Variants in C3orf33 observed in about 807,000 individuals in gnomAD.
C3orf33 encodes AP-1 activity suppressor.
A neutral mutation model predicts 28.7 loss-of-function variants in C3orf33; 23 were observed. The ratio of observed to expected loss-of-function variants is 0.80; its 90% confidence interval spans 0.58 to 1.13. C3orf33 has a LOEUF of 1.13. Among genes scored for constraint, C3orf33 ranks in the 50% most tolerant of loss-of-function variants. The pLI is 0.00. For synonymous variants in C3orf33, 119 were observed against 120.5 expected, an observed-to-expected ratio of 0.99 and a Z score of 0.08; for missense variants, 327 against 353.4, an observed-to-expected ratio of 0.93 and a Z score of 0.60.
intron 2 of C3orf33, among the ~76,000 whole-genome samples, chr3:155,794,772 T>G (rs532805786): frequency 6.6e-6 from 1 of 152,068 alleles, no homozygotes; most frequent in Non-Finnish European, 1.5e-5. Context: ...GATTTTAAGA[T>G]AAAATAGATT....
chr3:155,773,953 G>T (rs760828036), intron 3 of C3orf33, among the ~76,000 whole-genome samples: 4 of 152,162 alleles, frequency 2.6e-5, no homozygotes, highest in South Asian at 2.1e-4. Flanking sequence ...TTTATTAAAA[G>T]AATTAATGGT....
intron 2 of C3orf33, among the ~76,000 whole-genome samples, chr3:155,794,194 T>C (rs1409588952): frequency 2.0e-5 from 3 of 152,108 alleles, no homozygotes; most frequent in Non-Finnish European, 2.9e-5. Context: ...TTGGCCAGGC[T>C]GGTCTCAAAC....
Position 155,762,869 on chromosome 3 carries a change from CA to C in C3orf33, c.*647del, listed in dbSNP as rs1204744480. 5.9e-5 allele frequency: 9 copies of C among 151,302 alleles called. No homozygotes were observed. The highest frequency in any genetic ancestry group is 2.2e-4 in the African/African-American group (9 of 41,146). The allele number at this position is 151,302 out of a possible 1,614,324, so 9.4% of individuals were successfully genotyped here. A position where few individuals can be genotyped will look rare whatever the true frequency, so the allele number is the denominator to read the frequency against. On this transcript the variant is annotated 3_prime_UTR_variant, in exon 5 of 5. Transcript: ENST00000340171. ...GGGTGACAAGAGCGAAACTCCATGTCAAAACAAAAAAAGCCGGGCTTGGTAG... is the reference window on the plus strand; with the variant it reads ...GGGTGACAAGAGCGAAACTCCATGTCAAACAAAAAAAGCCGGGCTTGGTAG...
rs1334458234 is a variant in C3orf33, at chr3:155,767,566, C to A, written c.426G>T (p.Trp142Cys). 13 of 1,596,298 alleles carry A rather than the reference C, an allele frequency of 8.1e-6. No individual in the cohort carries two copies. Among genetic ancestry groups the A allele is most frequent in the Non-Finnish European group, 1.0e-5 (12 of 1,169,046 alleles). ...QKELKPSQLL[W>C]FQLLGKENSA... ...AATTCTCCTTTCCAAGAAGTTGGAA[C>A]CATAGTAATTGGGAAGGTTTTAGCT... The change falls in exon 4 of 5, where the codon TGG becomes TGT. Residue 142 changes from tryptophan (W) to cysteine (C), a missense_variant. Transcript: ENST00000340171.
At chr3:155,784,633 C>T (rs1257610866) in intron 2 of C3orf33, among the ~76,000 whole-genome samples, 2 of 151,510 alleles carry the variant, frequency 1.3e-5, no homozygotes, top group African/African-American at 4.9e-5. Flanking sequence ...CCAGGTACTT[C>T]GGAGGCTGAG....
chr3:155,800,956 T>C (rs574245513), intron 2 of C3orf33, among the ~76,000 whole-genome samples: 24 of 152,224 alleles, frequency 1.6e-4, no homozygotes, highest in Admixed American at 5.2e-4. Context: ...GTGCTGAAAT[T>C]GAAACTCTTG....
In C3orf33 at chr3:155,776,709, T is replaced by G. The variant is rs138725911; in HGVS notation, c.175-861A>C. Among the ~76,000 whole-genome samples, 657 of 131,686 alleles carry G rather than the reference T, an allele frequency of 5.0e-3. 10 individuals are homozygous for G. The highest frequency in any genetic ancestry group is 0.018 in the African/African-American group (612 of 34,312). The allele number at this position is 131,686 out of a possible 152,430, so 86.4% of individuals were successfully genotyped here. On this transcript the variant is annotated intron_variant, in intron 2 of 4. Transcript: ENST00000340171. ...AGTTTAAGGTTACAGTGAGCCATAA[T>G]AGCACCACTACACTCCAGCCTGGGT...
chr3:155,770,924 T>G (rs953854017), intron 3 of C3orf33, among the ~76,000 whole-genome samples: 1 of 151,182 alleles, frequency 6.6e-6, no homozygotes, highest in Non-Finnish European at 1.5e-5. Flanking sequence ...TCTGCCCACC[T>G]CGGTCTCCCA....
intron 3 of C3orf33, among the ~76,000 whole-genome samples, chr3:155,774,116 A>C (rs1208014761): frequency 6.6e-6 from 1 of 152,228 alleles, no homozygotes; most frequent in African/African-American, 2.4e-5. Context: ...AATAGAATTA[A>C]ATTAATTCAT....
At chr3:155,788,290 T>C (rs140073360) in intron 2 of C3orf33, among the ~76,000 whole-genome samples, 83 of 151,876 alleles carry the variant, frequency 5.5e-4, no homozygotes, top group East Asian at 1.2e-3. Flanking sequence ...TCAACTGATA[T>C]AGAAAAAAAC....
At chr3:155,796,479 T>C (rs554903369) in intron 2 of C3orf33, among the ~76,000 whole-genome samples, 1 of 152,004 alleles carries the variant, frequency 6.6e-6, no homozygotes, top group Non-Finnish European at 1.5e-5. Flanking sequence ...GATCAACAAG[T>C]AATGAAAACA....
At chr3:155,777,459 T>C (rs1029309633) in intron 2 of C3orf33, among the ~76,000 whole-genome samples, 6 of 152,068 alleles carry the variant, frequency 3.9e-5, no homozygotes, top group Non-Finnish European at 8.8e-5. Context: ...TTTTTTTTTT[T>C]AGACAGGGTC....
chr3:155,799,733 A>T (rs756258390), intron 2 of C3orf33, among the ~76,000 whole-genome samples: 7 of 152,184 alleles, frequency 4.6e-5, no homozygotes, highest in Non-Finnish European at 1.0e-4. Flanking sequence ...GTAGAATACT[A>T]TTCATCCTTA....
chr3:155,763,549 T>C lies in C3orf33; in HGVS notation c.853A>G (p.Ile285Val), dbSNP rs773907718. 3.3e-5 allele frequency: 50 copies of C among 1,536,550 alleles called. No individual in the cohort carries two copies. The highest frequency in any genetic ancestry group is 1.2e-4 in the Admixed American group (5 of 41,184). ...TTTCTACGAAAGTTTATGCGACTTA[T>C]AAGTTCTCTGAACTTCAGTATTAAG... ...CSLILKFREL[I>V]SRINFRRKG Residue 285 changes from isoleucine (I) to valine (V), a missense_variant, in exon 5 of 5, where the codon ATA (isoleucine) becomes GTA (valine). Coordinates refer to ENST00000340171, the MANE Select transcript of C3orf33 (RefSeq NM_001308229.2).
In C3orf33 at chr3:155,767,603, C is replaced by G. The variant is rs766217252; in HGVS notation, c.389G>C (p.Trp130Ser). 1.9e-6 allele frequency: 3 copies of G among 1,592,096 alleles called. No individual in the cohort carries two copies. Among genetic ancestry groups the G allele is most frequent in the Non-Finnish European group, 2.6e-6 (3 of 1,166,730 alleles). ...GVELAETGKA[W>S]LQKELKPSQL... ...GGAAGGTTTTAGCTCTTTTTGTAACCATGCCTTCCCAGTTTCAGCGAGTTC... is the reference window on the plus strand; with the variant it reads ...GGAAGGTTTTAGCTCTTTTTGTAACGATGCCTTCCCAGTTTCAGCGAGTTC... The change falls in exon 4 of 5, where the codon TGG (tryptophan) becomes TCG (serine). Residue 130 changes from tryptophan (W) to serine (S), a missense_variant. Coordinates refer to ENST00000340171, the MANE Select transcript of C3orf33 (RefSeq NM_001308229.2).
chr3:155,784,561 G>A lies in C3orf33; in HGVS notation c.175-8713C>T, dbSNP rs181401328. Reference sequence around the variant, plus strand: ...TCGAGACCAGCCTGGCCAACATGGTGAAACCCTGTCTCTACAAATCAAACA... The same window carrying A: ...TCGAGACCAGCCTGGCCAACATGGTAAAACCCTGTCTCTACAAATCAAACA... On this transcript the variant is annotated intron_variant, in intron 2 of 4. Coordinates refer to ENST00000340171, the MANE Select transcript of C3orf33 (RefSeq NM_001308229.2). 2.4e-3 allele frequency among the ~76,000 whole-genome samples: 361 copies of A among 151,958 alleles called. 2 individuals are homozygous for A. The highest frequency in any genetic ancestry group is 8.0e-3 in the African/African-American group (330 of 41,468).
chr3:155,780,279 C>CA (rs1750879196), intron 2 of C3orf33, among the ~76,000 whole-genome samples: 2 of 151,724 alleles, frequency 1.3e-5, no homozygotes, highest in African/African-American at 4.8e-5. Context: ...GTCCTAAAGG[C>CA]AAAAAAATAA....
chr3:155,789,243 G>A (rs1435690326), intron 2 of C3orf33, among the ~76,000 whole-genome samples: 1 of 151,826 alleles, frequency 6.6e-6, no homozygotes, highest in South Asian at 2.1e-4. Flanking sequence ...TACTCAGGAG[G>A]CTGAGGCAGG....
At chr3:155,782,321 C>T (rs1379491984) in intron 2 of C3orf33, among the ~76,000 whole-genome samples, 1 of 144,774 alleles carries the variant, frequency 6.9e-6, no homozygotes, top group East Asian at 2.0e-4. Flanking sequence ...GAGAAACAAG[C>T]AGGAGAGAAA....
Sources: gnomAD v4.1 joint callset for allele counts (sites outside exome capture counted in the v4.1 genomes callset) on GRCh38, gnomAD v4.1.1 for gene constraint, MANE v1.5 for transcripts, NCBI Gene and HGNC (gene_info 2026-07-23, HGNC 2026-07-21) for gene names.